TEX2: variants seen among roughly 807,000 people sequenced by gnomAD.
TEX2 encodes testis expressed 2, also known as testis-expressed protein 2.
Under a neutral mutation model 106.9 loss-of-function variants are expected in TEX2, and 53 were observed. The observed-to-expected ratio is 0.50, with a 90% CI of 0.40 to 0.62. The LOEUF is 0.62. Ranked by LOEUF, TEX2 falls within the 20% of genes least tolerant of loss-of-function variation. The pLI, the probability that TEX2 is intolerant of heterozygous loss-of-function variation, is 0.00. For missense variants in TEX2, 1,207 were observed against 1,379.0 expected, an observed-to-expected ratio of 0.88 and a Z score of 1.98; for synonymous variants, 523 against 534.8, an observed-to-expected ratio of 0.98 and a Z score of 0.30.
intron 2 of TEX2, among the ~76,000 whole-genome samples, chr17:64,201,837 A>G (rs1555630122): frequency 1.3e-5 from 2 of 152,234 alleles, no homozygotes; most frequent in Non-Finnish European, 2.9e-5. Context: ...ATGTCTGCCA[A>G]CCACAACTGT....
chr17:64,171,169 T>C lies in TEX2; in HGVS notation c.2602A>G (p.Thr868Ala). ...ACAGCCACGCCCATGTCAAGTTCCG[T>C]CAGAGTGAGCTCATTCATAAAGTAG... ...LPYFMNELTL[T>A]ELDMGVAVPK... The change falls in exon 7 of 12, where the codon ACG becomes GCG. Residue 868 changes from threonine to alanine, a missense_variant. Physicochemically the swap from Thr to Ala is moderately conservative, Grantham distance 58. Transcript: ENST00000584379. 1 of 1,614,028 alleles carries C rather than the reference T, an allele frequency of 6.2e-7. No individual in the cohort carries two copies. The highest frequency in any genetic ancestry group is 8.5e-7 in the Non-Finnish European group (1 of 1,179,966).
chr17:64,232,546 A>T (rs958184177), intron 1 of TEX2, among the ~76,000 whole-genome samples: 1 of 152,242 alleles, frequency 6.6e-6, no homozygotes, highest in Non-Finnish European at 1.5e-5. Flanking sequence ...AGCAAGAAAC[A>T]ATCAGTGGCT....
At chr17:64,225,082 G>C (rs1381486515) in intron 1 of TEX2, among the ~76,000 whole-genome samples, 4 of 152,010 alleles carry the variant, frequency 2.6e-5, no homozygotes, top group Non-Finnish European at 4.4e-5. Context: ...ATCAAGTAAA[G>C]AAGTCTGGGA....
intron 2 of TEX2, among the ~76,000 whole-genome samples, chr17:64,208,088 C>A (rs1285330228): frequency 6.6e-6 from 1 of 152,130 alleles, no homozygotes; most frequent in African/African-American, 2.4e-5. Flanking sequence ...ACTGCGTGAG[C>A]ACTGGTCACA....
At chr17:64,220,025 G>A (rs1232808289) in intron 1 of TEX2, among the ~76,000 whole-genome samples, 3 of 152,200 alleles carry the variant, frequency 2.0e-5, no homozygotes, top group Non-Finnish European at 4.4e-5. Flanking sequence ...CAGAGAAGGC[G>A]ATGTGAAACA....
At chr17:64,188,049 CT>C in intron 5 of TEX2, 118 bp downstream of exon 5, 1 of 1,206,564 alleles carries the variant, frequency 8.3e-7, no homozygotes, top group Non-Finnish European at 1.2e-6. Flanking sequence ...CAGGGTCCTT[CT>C]CTGTCTTGTG....
At chr17:64,227,814 G>A (rs1172290887) in intron 1 of TEX2, among the ~76,000 whole-genome samples, 1 of 152,194 alleles carries the variant, frequency 6.6e-6, no homozygotes, top group East Asian at 1.9e-4. Flanking sequence ...GCAACTGACT[G>A]TTCAGAAGAT....
At chr17:64,196,834 T>C (rs1229526768) in intron 2 of TEX2, among the ~76,000 whole-genome samples, 2 of 152,200 alleles carry the variant, frequency 1.3e-5, no homozygotes, top group Non-Finnish European at 2.9e-5. Flanking sequence ...TGAGTCATGA[T>C]GTGCTGAAAT....
At chr17:64,226,872 T>C (rs931180962) in intron 1 of TEX2, among the ~76,000 whole-genome samples, 10 of 151,858 alleles carry the variant, frequency 6.6e-5, no homozygotes, top group African/African-American at 2.2e-4. Context: ...TAATAAAATA[T>C]TTATAAAAAA....
Position 64,188,358 on chromosome 17 carries a change from C to A in TEX2, c.2234G>T (p.Arg745Leu). ...NSPSGHLTHSRSSSKGSVEEI... is the reference protein window; with the variant it reads ...NSPSGHLTHSLSSSKGSVEEI... ...CTCCACACTGCCTTTGCTGCTGCTG[C>A]GGCTGTGGGTCAGGTGCCCGGACGG... The change falls in exon 5 of 12, where the codon CGC (arginine) becomes CTC (leucine). Residue 745 changes from arginine (R) to leucine (L), a missense_variant. Arg to Leu is a moderately radical substitution (Grantham distance 102, BLOSUM62 -2). This residue lies in a region of TEX2 where 1,067 missense variants were observed against 1,193.6 expected (regional missense o/e 0.89). Transcript: ENST00000584379. 6.2e-7 allele frequency: 1 copy of A among 1,614,184 alleles called. No individual in the cohort carries two copies. The highest frequency in any genetic ancestry group is 8.5e-7 in the Non-Finnish European group (1 of 1,180,032).
At chr17:64,223,357 C>CT (rs71158308) in intron 1 of TEX2, among the ~76,000 whole-genome samples, 3,625 of 113,092 alleles carry the variant, frequency 0.032, 133 homozygotes, top group African/African-American at 0.037. Flanking sequence ...CTGAATCTGG[C>CT]TTTTTTTTTT....
At position 64,168,902 on chromosome 17, in the gene TEX2, C is replaced by CTTTTT. The variant is rs3070736; in HGVS notation, c.2671+2193_2671+2197dup. On this transcript the variant is annotated intron_variant, in intron 7 of 11. Transcript: ENST00000584379. ...CTATGCAGTGAACACATAGATGGTG[C>CTTTTT]TTTTTTTTTTTTTTTTTGAGACAGA... is the stretch of plus-strand genomic sequence containing the variant. Among the ~76,000 whole-genome samples, 4 of 106,966 alleles carry CTTTTT rather than the reference C, an allele frequency of 3.7e-5. 1 individual carries two copies. Among genetic ancestry groups the CTTTTT allele is most frequent in the Admixed American group, 2.3e-4 (2 of 8,700 alleles). The allele number at this position is 106,966 out of a possible 152,430, so 70.2% of individuals were successfully genotyped here.
intron 2 of TEX2, among the ~76,000 whole-genome samples, chr17:64,209,084 G>A (rs1293025077): frequency 6.6e-6 from 1 of 152,180 alleles, no homozygotes; most frequent in East Asian, 1.9e-4. Flanking sequence ...AGGTGCTGAG[G>A]ATACAAGATG....
At chr17:64,224,561 A>C (rs375328251) in intron 1 of TEX2, among the ~76,000 whole-genome samples, 1 of 151,708 alleles carries the variant, frequency 6.6e-6, no homozygotes, top group East Asian at 1.9e-4. Flanking sequence ...TATCTTCATC[A>C]CTGGCAAGAA....
chr17:64,162,529 T>C (rs185264701), intron 7 of TEX2, among the ~76,000 whole-genome samples: 151 of 152,336 alleles, frequency 9.9e-4, no homozygotes, highest in African/African-American at 3.5e-3. Flanking sequence ...AATGGACATA[T>C]TAAAGGCACC....
chr17:64,179,197 T>C (rs2031736531), intron 5 of TEX2, among the ~76,000 whole-genome samples: 1 of 152,212 alleles, frequency 6.6e-6, no homozygotes, highest in Admixed American at 6.5e-5. Flanking sequence ...ATCAGCACTC[T>C]GTAGCTAGCA....
At chr17:64,256,840 G>A (rs1254672330) in intron 1 of TEX2, among the ~76,000 whole-genome samples, 2 of 152,058 alleles carry the variant, frequency 1.3e-5, no homozygotes, top group African/African-American at 2.4e-5. Flanking sequence ...TCTCTATTTT[G>A]AGCCTAAAAT....
At chr17:64,176,905 C>T (rs978558946) in intron 6 of TEX2, among the ~76,000 whole-genome samples, 46 of 152,276 alleles carry the variant, frequency 3.0e-4, no homozygotes, top group Middle Eastern at 3.4e-3. Context: ...TACTAAGAGG[C>T]CTTAAGTAAT....
rs569830972 is a variant in TEX2 at position 64,177,361 on chromosome 17, C to T, written c.2535G>A (p.Val845=). ...FLGEKYWSDL[V]SKKIQMKLSK... is the part of the protein sequence containing the mutation. The stretch of plus-strand genomic sequence containing the variant: ...TGAGTTTCATTTGGATCTTCTTAGA[C>T]ACCAGATCAGACCAGTATTTCTCTC... Residue 845 remains valine, a synonymous_variant, in exon 6 of 12, where the codon GTG becomes GTA. Transcript: ENST00000584379. The T allele has an allele frequency of 6.2e-7, 1 of 1,614,190 alleles. No individual in the cohort carries two copies. The highest frequency in any genetic ancestry group is 2.2e-5 in the East Asian group (1 of 44,878).
Sources: allele counts gnomAD v4.1 joint callset (sites outside exome capture counted in the v4.1 genomes callset), GRCh38; gene constraint gnomAD v4.1.1; regional missense constraint gnomAD v4.1.1; transcripts MANE v1.5; gene names NCBI Gene and HGNC (gene_info 2026-07-23, HGNC 2026-07-21).